Variants in LAMA4 observed in about 807,000 individuals in gnomAD.
The protein encoded by LAMA4 is laminin subunit alpha-4.
In LAMA4, 127 loss-of-function variants were observed where a neutral mutation model predicts 207.1. The observed-to-expected ratio is 0.61, with a 90% CI of 0.53 to 0.71. The LOEUF (loss-of-function observed/expected upper bound fraction) is 0.71, where lower values mean the gene tolerates loss of function less well. Among genes scored for constraint, LAMA4 ranks in the 30% least tolerant of loss-of-function variants. The pLI, the probability that LAMA4 is intolerant of heterozygous loss-of-function variation, is 0.00. For missense variants in LAMA4, 2,093 were observed against 2,246.5 expected (o/e 0.93, Z 1.38); for synonymous variants, 761 against 816.0 (o/e 0.93, Z 1.15).
At chr6:112,233,215 A>G (rs1376555397) in intron 2 of LAMA4, among the ~76,000 whole-genome samples, 3 of 152,248 alleles carry the variant, frequency 2.0e-5, no homozygotes, top group African/African-American at 7.2e-5. Flanking sequence ...GTATCAGAGC[A>G]TACACATACC....
At chr6:112,195,938 TACACACAC>T (rs149514155) in intron 5 of LAMA4, among the ~76,000 whole-genome samples, 1 of 147,342 alleles carries the variant, frequency 6.8e-6, no homozygotes, top group Non-Finnish European at 1.5e-5. Flanking sequence ...ATGAACTAAG[TACACACAC>T]ACACACACAC....
chr6:112,142,210 G>A lies in LAMA4; in HGVS notation c.2576C>T (p.Thr859Met), dbSNP rs730880121. Residue 859 changes from threonine (T) to methionine (M), a missense_variant, in exon 20 of 39, where the codon ACG becomes ATG. This residue lies in a region of LAMA4 where 1,704 missense variants were observed against 1,788.4 expected (regional missense o/e 0.95). Transcript: ENST00000230538. ...GGGTTTCATGTACAGGCTCAGAGAC[G>A]TGAAGGCCTTTAAGTCATCCATACT... ...RTSMDDLKAF[T>M]SLSLYMKPPV... The A allele has an allele frequency of 9.9e-6, 16 of 1,613,946 alleles. No individual in the cohort carries two copies. The highest frequency in any genetic ancestry group is 3.3e-5 in the Admixed American group (2 of 59,998).
At chr6:112,146,249 C>T (rs1206892261) in intron 18 of LAMA4, among the ~76,000 whole-genome samples, 1 of 151,670 alleles carries the variant, frequency 6.6e-6, no homozygotes, top group Non-Finnish European at 1.5e-5. Context: ...AAGATCGCAC[C>T]ACTGCACTCC....
chr6:112,134,848 C>G (rs1444677491), intron 25 of LAMA4, among the ~76,000 whole-genome samples: 1 of 152,080 alleles, frequency 6.6e-6, no homozygotes, highest in Admixed American at 6.6e-5. Context: ...GGAGCCAGCC[C>G]AAGAAAAATT....
chr6:112,140,843 C>A lies in LAMA4; in HGVS notation c.2893G>T (p.Glu965Ter), dbSNP rs868979389. 6.2e-7 allele frequency: 1 copy of A among 1,614,014 alleles called. No individual in the cohort carries two copies. The highest frequency in any genetic ancestry group is 8.5e-7 in the Non-Finnish European group (1 of 1,179,914). The change falls in exon 22 of 39, where the codon GAA (glutamate) becomes TAA (stop). Residue 965 changes from glutamate (E) to a stop codon, truncating the protein, a stop_gained. Transcript: ENST00000230538. LOFTEE classifies it high-confidence loss of function. ...TAEEKFIKKG[E>*]FSGDDSLLDL... ...AGCAGAGAGTCATCTCCCGAAAATT[C>A]CCCCTTTTTAATGAACTTTTCCTCT...
At position 112,231,325 on chromosome 6, in the gene LAMA4, G is replaced by A. The variant is rs112874634; in HGVS notation, c.196-14856C>T. On this transcript the variant is annotated intron_variant, in intron 2 of 38. Transcript: ENST00000230538. ...ACCTCTCTTAAGCAAACTCAGGTTT[G>A]CTCCATGAGTGTGTGTGGCTGAGTC... Among the ~76,000 whole-genome samples, 434 of 152,276 alleles carry A rather than the reference G, an allele frequency of 2.9e-3. 3 individuals carry two copies. The highest frequency in any genetic ancestry group is 9.9e-3 in the African/African-American group (410 of 41,574).
intron 2 of LAMA4, among the ~76,000 whole-genome samples, chr6:112,240,648 G>A (rs1051257081): frequency 1.1e-4 from 16 of 152,076 alleles, no homozygotes; most frequent in Admixed American, 7.9e-4. Flanking sequence ...GAGAACATGC[G>A]ACATTCATCT....
rs782388091 is a variant in LAMA4, at chr6:112,136,259, G to C, written c.3283-5C>G. On this transcript the variant is annotated splice_region_variant and splice_polypyrimidine_tract_variant and intron_variant, in intron 24 of 38. Transcript: ENST00000230538. ...TTCCAGTCTGAAAAACATACTCTGAGGAGAGAAAGGAATTGTAAGATAGGA... is the reference window on the plus strand; with the variant it reads ...TTCCAGTCTGAAAAACATACTCTGACGAGAGAAAGGAATTGTAAGATAGGA... 2 of 1,607,748 alleles carry C rather than the reference G, an allele frequency of 1.2e-6. No homozygotes were observed. The highest frequency in any genetic ancestry group is 1.7e-6 in the Non-Finnish European group (2 of 1,175,040).
intron 4 of LAMA4, among the ~76,000 whole-genome samples, chr6:112,203,414 C>T (rs1037936616): frequency 6.6e-5 from 10 of 152,164 alleles, no homozygotes; most frequent in Non-Finnish European, 1.5e-5. Context: ...CTAAACTAGA[C>T]GCCTTTCTGA....
At chr6:112,162,089 C>T (rs572051151) in intron 13 of LAMA4, 5 of 152,226 alleles carry the variant, frequency 3.3e-5, no homozygotes, top group Non-Finnish European at 7.3e-5. Flanking sequence ...ACAGTTGGAT[C>T]AGCTAGGAGG....
At chr6:112,167,934 G>A (rs112795907) in intron 12 of LAMA4, among the ~76,000 whole-genome samples, 255 of 151,638 alleles carry the variant, frequency 1.7e-3, no homozygotes, top group African/African-American at 5.6e-3. Context: ...TCCACCAGGC[G>A]CGGTGGCTCA....
chr6:112,198,631 A>G (rs1783557824), intron 5 of LAMA4, among the ~76,000 whole-genome samples: 1 of 152,232 alleles, frequency 6.6e-6, no homozygotes, highest in Non-Finnish European at 1.5e-5. Flanking sequence ...TGAAGATGAC[A>G]GATGAAGAAT....
intron 2 of LAMA4, among the ~76,000 whole-genome samples, chr6:112,249,948 TTGTTC>T (rs1312731565): frequency 6.6e-6 from 1 of 152,220 alleles, no homozygotes; most frequent in Non-Finnish European, 1.5e-5. Context: ...TGTTAGTACA[TTGTTC>T]TGTATATAAT....
At chr6:112,252,341 A>G (rs963668931) in intron 2 of LAMA4, among the ~76,000 whole-genome samples, 8 of 152,220 alleles carry the variant, frequency 5.3e-5, no homozygotes, top group Non-Finnish European at 7.3e-5. Flanking sequence ...TTCACCAAAC[A>G]TATGAGCACA....
chr6:112,160,393 A>C (rs943007298), intron 13 of LAMA4, among the ~76,000 whole-genome samples: 1 of 152,208 alleles, frequency 6.6e-6, no homozygotes, highest in African/African-American at 2.4e-5. Context: ...CTTTCTAGCT[A>C]CTGACTCTTC....
Position 112,138,551 on chromosome 6 carries a change from C to T in LAMA4, c.3282+569G>A, listed in dbSNP as rs74648462. Among the ~76,000 whole-genome samples the T allele has an allele frequency of 4.2e-3, 645 of 152,064 alleles. 20 individuals are homozygous for T. The East Asian group carries it at 0.081, about 19-fold the overall frequency. On this transcript the variant is annotated intron_variant, in intron 24 of 38. Transcript: ENST00000230538. Reference sequence around the variant, plus strand: ...TTAAAAATAATTTTAGTGAGAAAAACATTTCTGTATCATTAATAAATAAGT... The same window carrying T: ...TTAAAAATAATTTTAGTGAGAAAAATATTTCTGTATCATTAATAAATAAGT...
chr6:112,109,744 T>A (rs1488523392), intron 38 of LAMA4, among the ~76,000 whole-genome samples, 162 bp from the exon 39 acceptor site: 1 of 142,016 alleles, frequency 7.0e-6, no homozygotes, highest in Non-Finnish European at 1.5e-5. Flanking sequence ...GTAACATTAT[T>A]TGCTTGTGAA....
At chr6:112,222,449 T>C (rs1225011250) in intron 2 of LAMA4, among the ~76,000 whole-genome samples, 1 of 152,166 alleles carries the variant, frequency 6.6e-6, no homozygotes, top group African/African-American at 2.4e-5. Context: ...TCAGGCCCCA[T>C]ATCCGCCATG....
chr6:112,120,273 T>C lies in LAMA4; in HGVS notation c.4665+10A>G. The C allele has an allele frequency of 1.2e-6, 2 of 1,611,586 alleles. No individual in the cohort carries two copies. The highest frequency in any genetic ancestry group is 1.7e-6 in the Non-Finnish European group (2 of 1,178,510). On this transcript the variant is annotated intron_variant, in intron 33 of 38. Coordinates refer to ENST00000230538, the MANE Select transcript of LAMA4 (RefSeq NM_001105206.3). ...TTTGCTGGTAATGCTGTTCTCTGCC[T>C]TCAACTTACATCATGCCACAGGCCA...
Sources: allele counts gnomAD v4.1 joint callset (sites outside exome capture counted in the v4.1 genomes callset), GRCh38; gene constraint gnomAD v4.1.1; regional missense constraint gnomAD v4.1.1; transcripts MANE v1.5; gene names NCBI Gene and HGNC (gene_info 2026-07-23, HGNC 2026-07-21).